SPATA16: variants seen among roughly 807,000 people sequenced by gnomAD.
SPATA16 encodes the protein spermatogenesis-associated protein 16.
In SPATA16, 36 loss-of-function variants were observed where a neutral mutation model predicts 63.3. The observed-to-expected ratio is 0.57, with a 90% CI of 0.44 to 0.75. The LOEUF (loss-of-function observed/expected upper bound fraction) is 0.75. Among genes scored for constraint, SPATA16 ranks in the 30% least tolerant of loss-of-function variants. SPATA16 has a pLI of 0.00. For missense variants in SPATA16, 646 were observed against 679.3 expected (o/e 0.95, Z 0.54); for synonymous variants, 203 against 216.7 (o/e 0.94, Z 0.56).
rs1406163696 is a variant in SPATA16, at chr3:173,009,197, A to G, written c.848+10289T>C. ...AGCCTGTGGCTCCTGGAGAGAAAAC[A>G]GTGGAGAGAAAACACTAAGCTCTTC... On this transcript the variant is annotated intron_variant, in intron 4 of 10. Transcript: ENST00000351008. Among the ~76,000 whole-genome samples the G allele has an allele frequency of 4.6e-5, 7 of 151,274 alleles. No homozygotes were observed. In the East Asian group the frequency reaches 1.3e-3, roughly 29 times the overall value.
intron 2 of SPATA16, among the ~76,000 whole-genome samples, chr3:173,078,862 C>A (rs1736863258): frequency 6.6e-6 from 1 of 152,036 alleles, no homozygotes; most frequent in Non-Finnish European, 1.5e-5. Flanking sequence ...TGTTGCCCAA[C>A]CTTTATGACT....
chr3:172,935,900 G>A (rs916966194), intron 6 of SPATA16, among the ~76,000 whole-genome samples: 6 of 152,070 alleles, frequency 3.9e-5, no homozygotes, highest in South Asian at 2.1e-4. Flanking sequence ...ACATTCTATG[G>A]TATGGAAAAA....
At chr3:172,901,049 A>AT (rs1400899965) in intron 10 of SPATA16, among the ~76,000 whole-genome samples, 1 of 149,760 alleles carries the variant, frequency 6.7e-6, no homozygotes, top group Non-Finnish European at 1.5e-5. Flanking sequence ...TAGTTATTTT[A>AT]TTTTTTCAGT....
intron 1 of SPATA16, among the ~76,000 whole-genome samples, chr3:173,130,176 A>G (rs1738335892): frequency 6.6e-6 from 1 of 152,024 alleles, no homozygotes; most frequent in Non-Finnish European, 1.5e-5. Context: ...CCTGGTCAAC[A>G]TGGTGAAACC....
At chr3:172,896,252 G>A (rs535834331) in intron 10 of SPATA16, among the ~76,000 whole-genome samples, 3 of 152,204 alleles carry the variant, frequency 2.0e-5, no homozygotes, top group Non-Finnish European at 2.9e-5. Context: ...ACGGAGTCTC[G>A]CTCTGTCACC....
chr3:173,101,144 A>G (rs533877273), intron 2 of SPATA16, among the ~76,000 whole-genome samples: 1 of 152,250 alleles, frequency 6.6e-6, no homozygotes, highest in Admixed American at 6.5e-5. Flanking sequence ...TGAGCTTTGA[A>G]GAAGACTTCC....
At chr3:173,083,608 A>C (rs1017715844) in intron 2 of SPATA16, among the ~76,000 whole-genome samples, 2 of 152,088 alleles carry the variant, frequency 1.3e-5, no homozygotes, top group Non-Finnish European at 2.9e-5. Context: ...TATTAAGTCC[A>C]GCATTAGCTA....
At chr3:172,909,600 G>A (rs553289472) in intron 10 of SPATA16, among the ~76,000 whole-genome samples, 8 of 152,284 alleles carry the variant, frequency 5.3e-5, no homozygotes, top group South Asian at 2.1e-4. Context: ...TGTAAGCCAC[G>A]TGAGTGAACC....
intron 4 of SPATA16, among the ~76,000 whole-genome samples, chr3:173,008,430 C>G (rs903177163): frequency 6.6e-6 from 1 of 152,108 alleles, no homozygotes; most frequent in Non-Finnish European, 1.5e-5. Context: ...TAGGCGCTCA[C>G]TGTTGATTTT....
intron 1 of SPATA16, among the ~76,000 whole-genome samples, chr3:173,135,975 T>G (rs1333135475): frequency 6.6e-6 from 1 of 152,248 alleles, no homozygotes; most frequent in Non-Finnish European, 1.5e-5. Flanking sequence ...CTTGAAATTT[T>G]ACATACAAAG....
intron 4 of SPATA16, among the ~76,000 whole-genome samples, chr3:173,019,285 G>T (rs1041511640): frequency 6.6e-6 from 1 of 152,076 alleles, no homozygotes; most frequent in Non-Finnish European, 1.5e-5. Context: ...TTTGAATTTT[G>T]TTAAGAGCTA....
chr3:172,984,287 G>A (rs1734390906), intron 4 of SPATA16, among the ~76,000 whole-genome samples: 1 of 152,114 alleles, frequency 6.6e-6, no homozygotes, highest in African/African-American at 2.4e-5. Flanking sequence ...AGCTACAGGA[G>A]CCTACCATTA....
chr3:172,974,020 C>T (rs973181652), intron 5 of SPATA16, among the ~76,000 whole-genome samples: 3 of 152,160 alleles, frequency 2.0e-5, no homozygotes, highest in African/African-American at 7.2e-5. Flanking sequence ...CCAGTGTGAG[C>T]TGTCATATAG....
chr3:173,117,674 G>C lies in SPATA16; in HGVS notation c.58C>G (p.Gln20Glu). ...ENAVNRIYHDQLVPKINTSKK... is the reference protein window; with the variant it reads ...ENAVNRIYHDELVPKINTSKK... ...CTTGTGTTTATCTTTGGAACAAGCT[G>C]ATCATGATAGATCCTATTCACTGCA... is the stretch of plus-strand genomic sequence containing the variant. Residue 20 changes from glutamine (Q) to glutamate (E), a missense_variant, in exon 2 of 11, where the codon CAG becomes GAG. By Grantham distance (29) the Gln-to-Glu change is conservative. Transcript: ENST00000351008. 6.2e-7 allele frequency: 1 copy of C among 1,614,108 alleles called. No individual in the cohort carries two copies.
At chr3:172,924,610 T>A (rs1732686621) in intron 7 of SPATA16, among the ~76,000 whole-genome samples, 1 of 152,196 alleles carries the variant, frequency 6.6e-6, no homozygotes, top group African/African-American at 2.4e-5. Flanking sequence ...ACTCTGTTTT[T>A]CCTGAGTTGT....
At chr3:172,908,551 G>A (rs189495413) in intron 10 of SPATA16, among the ~76,000 whole-genome samples, 77 of 152,274 alleles carry the variant, frequency 5.1e-4, no homozygotes, top group Non-Finnish European at 8.7e-4. Flanking sequence ...ACAAAATGTA[G>A]ACAGGAGGTC....
intron 10 of SPATA16, among the ~76,000 whole-genome samples, chr3:172,913,048 AG>A (rs1732406307): frequency 6.6e-6 from 1 of 152,210 alleles, no homozygotes; most frequent in African/African-American, 2.4e-5. Context: ...TTGATTGATC[AG>A]AACTTAATAC....
chr3:173,117,469 C>G lies in SPATA16; in HGVS notation c.263G>C (p.Gly88Ala). 2 of 1,614,146 alleles carry G rather than the reference C, an allele frequency of 1.2e-6. No individual in the cohort carries two copies. The highest frequency in any genetic ancestry group is 1.7e-6 in the Non-Finnish European group (2 of 1,180,002). ...TTTCTTTCTAGTTGGCTTTTCTTCACCTTCTGCCTTCCGTTTAAAGGCTGC... is the reference window on the plus strand; with the variant it reads ...TTTCTTTCTAGTTGGCTTTTCTTCAGCTTCTGCCTTCCGTTTAAAGGCTGC... Reference protein sequence around the residue: ...EKAAFKRKAEGEEKPTRKKQA... With the variant: ...EKAAFKRKAEAEEKPTRKKQA... Residue 88 changes from glycine (G) to alanine (A), a missense_variant, in exon 2 of 11, where the codon GGT (glycine) becomes GCT (alanine). Physicochemically the swap from Gly to Ala is moderately conservative, Grantham distance 60 (BLOSUM62 0). Transcript: ENST00000351008.
At chr3:172,905,436 G>A (rs1732212997) in intron 10 of SPATA16, among the ~76,000 whole-genome samples, 1 of 152,150 alleles carries the variant, frequency 6.6e-6, no homozygotes, top group African/African-American at 2.4e-5. Context: ...TTTCTGGAAG[G>A]ATTTGGGCTT....
Sources: gnomAD v4.1 joint callset for allele counts (sites outside exome capture counted in the v4.1 genomes callset) on GRCh38, gnomAD v4.1.1 for gene constraint, MANE v1.5 for transcripts, NCBI Gene and HGNC (gene_info 2026-07-23, HGNC 2026-07-21) for gene names.